HJURP: variants seen among roughly 807,000 people sequenced by gnomAD.
HJURP encodes 14-3-3-associated AKT substrate.
HJURP carries 49 observed loss-of-function variants against 72.0 expected under a neutral mutation model. The observed-to-expected ratio is 0.68, with a 90% CI of 0.54 to 0.86. HJURP has a LOEUF of 0.86. Among genes scored for constraint, HJURP ranks in the 40% least tolerant of loss-of-function variants. HJURP has a pLI of 0.00. For missense variants in HJURP, 908 were observed against 936.3 expected, an observed-to-expected ratio of 0.97 and a Z score of 0.39; for synonymous variants, 357 against 347.1, an observed-to-expected ratio of 1.03 and a Z score of -0.32.
chr2:233,840,929 T>A lies in HJURP; in HGVS notation c.1851A>T (p.Arg617=), dbSNP rs776864122. 1.2e-6 allele frequency: 2 copies of A among 1,614,144 alleles called. No individual in the cohort carries two copies. Among genetic ancestry groups the A allele is most frequent in the South Asian group, 2.2e-5 (2 of 91,084 alleles). ...TTCCTAAGAAGCCTTCTGTTTGATA[T>A]CGAACTTCCATACTTGCTTTATCTG... ...VSTDKASMEV[R]YQTEGFLGKL... is the part of the protein sequence containing the mutation. The change falls in exon 8 of 9, where the codon CGA becomes CGT. Residue 617 remains arginine (R), a synonymous_variant. Coordinates refer to ENST00000411486, the MANE Select transcript of HJURP (RefSeq NM_018410.5).
rs199693549 is a variant in HJURP at position 233,841,597 on chromosome 2, T to A, written c.1183A>T (p.Thr395Ser). The A allele has an allele frequency of 6.2e-7, 1 of 1,614,234 alleles. No homozygotes were observed. Among genetic ancestry groups the A allele is most frequent in the Non-Finnish European group, 8.5e-7 (1 of 1,180,024 alleles). ...SSLIYFDSSA[T>S]YNLDEENRFR... The stretch of plus-strand genomic sequence containing the variant: ...CTATTTTCCTCATCAAGATTATATG[T>A]TGCACTGGAGTCGAAGTAAATCAAG... Residue 395 changes from threonine (T) to serine (S), a missense_variant, in exon 8 of 9, where the codon ACA becomes TCA. Physicochemically the swap from Thr to Ser is moderately conservative, Grantham distance 58. This residue lies in a region of HJURP where 598 missense variants were observed against 619.5 expected (regional missense o/e 0.97). Transcript: ENST00000411486.
chr2:233,849,580 C>T (rs1705450069), intron 4 of HJURP, among the ~76,000 whole-genome samples, 183 bp downstream of exon 4: 1 of 152,194 alleles, frequency 6.6e-6, no homozygotes, highest in South Asian at 2.1e-4. Flanking sequence ...CCGGATGTAA[C>T]TGTGGGCAAG....
chr2:233,845,826 C>CA lies in HJURP; in HGVS notation c.403-7dup, dbSNP rs1346204108. The CA allele has an allele frequency of 6.3e-7, 1 of 1,599,566 alleles. No individual in the cohort carries two copies. Among genetic ancestry groups the CA allele is most frequent in the Admixed American group, 1.7e-5 (1 of 57,786 alleles). ...GGGCTTTGAGGCACTGCAGGCTGAT[C>CA]AAAAAAGAGAAGTCAGAATTTTTAA... On this transcript the variant is annotated splice_polypyrimidine_tract_variant and splice_region_variant and intron_variant, in intron 5 of 8. Coordinates refer to ENST00000411486, the MANE Select transcript of HJURP (RefSeq NM_018410.5).
chr2:233,840,000 C>A (rs535181756), intron 8 of HJURP, among the ~76,000 whole-genome samples: 6 of 152,292 alleles, frequency 3.9e-5, no homozygotes, highest in Admixed American at 2.0e-4. Flanking sequence ...CTGACCCACC[C>A]CACCCCACTG....
chr2:233,851,687 T>C (rs1452315026), intron 3 of HJURP, among the ~76,000 whole-genome samples: 1 of 152,200 alleles, frequency 6.6e-6, no homozygotes, highest in Non-Finnish European at 1.5e-5. Flanking sequence ...TAAAGATATG[T>C]ATTATAGGGA....
chr2:233,841,280 A>T lies in HJURP; in HGVS notation c.1500T>A (p.Ala500=). Residue 500 remains alanine (A), a synonymous_variant, in exon 8 of 9, where the codon GCT becomes GCA. Coordinates refer to ENST00000411486, the MANE Select transcript of HJURP (RefSeq NM_018410.5). ...SKAKAKSLSE[A]FENLGKRSLE... is the part of the protein sequence containing the mutation. ...GAGATCTTTTGCCTAGGTTTTCAAA[A>T]GCCTCACTTAAACTTTTTGCTTTTG... 3 of 1,614,082 alleles carry T rather than the reference A, an allele frequency of 1.9e-6. No homozygotes were observed. Among genetic ancestry groups the T allele is most frequent in the Non-Finnish European group, 2.5e-6 (3 of 1,179,938 alleles).
chr2:233,844,290 T>A lies in HJURP; in HGVS notation c.496-7A>T. 1 of 1,613,596 alleles carries A rather than the reference T, an allele frequency of 6.2e-7. No homozygotes were observed. The highest frequency in any genetic ancestry group is 8.5e-7 in the Non-Finnish European group (1 of 1,179,600). On this transcript the variant is annotated splice_polypyrimidine_tract_variant and splice_region_variant and intron_variant, in intron 6 of 8. Transcript: ENST00000411486. ...CAGCTCTGTTACCTGCACACTGAAA[T>A]CAGAGCCAGTGGTTACAAGAAAAAA...
chr2:233,846,579 G>A lies in HJURP; in HGVS notation c.403-759C>T, dbSNP rs571985668. ...CTCTGCTGAGTGGGGCTGGCACTTT[G>A]GTTCTTGACTCTTGGTACCACCCAC... is the stretch of plus-strand genomic sequence containing the variant. On this transcript the variant is annotated intron_variant, in intron 5 of 8. Coordinates refer to ENST00000411486, the MANE Select transcript of HJURP (RefSeq NM_018410.5). This position sits in a 1 kb window ranked among gnomAD's most constrained non-coding sequence, Gnocchi z 4.3. Among the ~76,000 whole-genome samples the A allele has an allele frequency of 6.6e-6, 1 of 152,132 alleles. No individual in the cohort carries two copies. Among genetic ancestry groups the A allele is most frequent in the Non-Finnish European group, 1.5e-5 (1 of 68,020 alleles).
At chr2:233,845,139 G>A (rs546102490) in intron 6 of HJURP, among the ~76,000 whole-genome samples, 5 of 151,776 alleles carry the variant, frequency 3.3e-5, no homozygotes, top group African/African-American at 7.3e-5. Context: ...TAAGAGTCCC[G>A]TGTGTGGCCC....
Position 233,840,914 on chromosome 2 carries a change from G to A in HJURP, c.1866C>T (p.Gly622=), listed in dbSNP as rs1705209128. The change falls in exon 8 of 9, where the codon GGC becomes GGT. Residue 622 remains glycine (G), a synonymous_variant. Transcript: ENST00000411486. ...ASMEVRYQTE[G]FLGKLNPDPH... The stretch of plus-strand genomic sequence containing the variant: ...GGTCTGGATTTAATTTTCCTAAGAA[G>A]CCTTCTGTTTGATATCGAACTTCCA... 6.2e-7 allele frequency: 1 copy of A among 1,614,124 alleles called. No homozygotes were observed. Among genetic ancestry groups the A allele is most frequent in the Non-Finnish European group, 8.5e-7 (1 of 1,180,042 alleles).
At position 233,841,554 on chromosome 2, in the gene HJURP, C is replaced by T. The variant is rs924332286; in HGVS notation, c.1226G>A (p.Trp409Ter). 1 of 1,614,030 alleles carries T rather than the reference C, an allele frequency of 6.2e-7. No homozygotes were observed. Residue 409 changes from tryptophan to a stop codon, truncating the protein, a stop_gained, in exon 8 of 9, where the codon TGG becomes TAG. Coordinates refer to ENST00000411486, the MANE Select transcript of HJURP (RefSeq NM_018410.5). LOFTEE classifies it high-confidence loss of function. The part of the protein sequence containing the change: ...DEENRFRTLK[W>*]LISPVKIVSR... ...AACTATTTTTACAGGAGAAATTAACCATTTTAATGTCCTAAATCTATTTTC... is the reference window on the plus strand; with the variant it reads ...AACTATTTTTACAGGAGAAATTAACTATTTTAATGTCCTAAATCTATTTTC...
At position 233,837,543 on chromosome 2, in the gene HJURP, G is replaced by C. The variant is rs1393905572; in HGVS notation, c.*34C>G. On this transcript the variant is annotated 3_prime_UTR_variant, in exon 9 of 9. Coordinates refer to ENST00000411486, the MANE Select transcript of HJURP (RefSeq NM_018410.5). ...AAACAAAAATACAAACAGAGAGCAA[G>C]TGGGAAGATAAATAACACTCCGAAA... 7.1e-7 allele frequency: 1 copy of C among 1,402,126 alleles called. No individual in the cohort carries two copies. Among genetic ancestry groups the C allele is most frequent in the Non-Finnish European group, 1.0e-6 (1 of 991,564 alleles). 86.9% of individuals were successfully genotyped at this position (1,402,126 alleles called of 1,614,324 possible). A position where few individuals can be genotyped will look rare whatever the true frequency, so the allele number is the denominator to read the frequency against.
At chr2:233,850,084 C>T (rs1705464362) in intron 3 of HJURP, among the ~76,000 whole-genome samples, 1 of 152,190 alleles carries the variant, frequency 6.6e-6, no homozygotes, top group Admixed American at 6.5e-5. Flanking sequence ...CTTAAAAAGC[C>T]ACTTGGAAGG....
Position 233,837,533 on chromosome 2 carries a change from CAG to C in HJURP, c.*42_*43del. 1 of 1,328,742 alleles carries C rather than the reference CAG, an allele frequency of 7.5e-7. No homozygotes were observed. The highest frequency in any genetic ancestry group is 1.1e-6 in the Non-Finnish European group (1 of 925,976). 82.3% of individuals were successfully genotyped at this position (1,328,742 alleles called of 1,614,324 possible). A position where few individuals can be genotyped will look rare whatever the true frequency, so the allele number is the denominator to read the frequency against. ...ATCAAAAACAAAACAAAAATACAAA[CAG>C]AGAGCAAGTGGGAAGATAAATAACA... On this transcript the variant is annotated 3_prime_UTR_variant, in exon 9 of 9. Coordinates refer to ENST00000411486, the MANE Select transcript of HJURP (RefSeq NM_018410.5).
At chr2:233,851,800 TAATC>T (rs1472531118) in intron 3 of HJURP, among the ~76,000 whole-genome samples, 2 of 152,202 alleles carry the variant, frequency 1.3e-5, no homozygotes, top group East Asian at 1.9e-4. Flanking sequence ...CTAGAATAAT[TAATC>T]AAGAAGATTT....
Position 233,841,091 on chromosome 2 carries a change from TGAAA to T in HJURP, c.1685_1688del (p.Leu562GlnfsTer37). 1 of 1,614,226 alleles carries T rather than the reference TGAAA, an allele frequency of 6.2e-7. No individual in the cohort carries two copies. The highest frequency in any genetic ancestry group is 8.5e-7 in the Non-Finnish European group (1 of 1,180,036). ...GGCCTGGCACTTCTTTATCTGGGAC[TGAAA>T]GAGTTTTGCTGGGTGACACTGACTT... On this transcript the variant is annotated frameshift_variant, in exon 8 of 9. Transcript: ENST00000411486. LOFTEE classifies it high-confidence loss of function.
chr2:233,847,434 G>A lies in HJURP; in HGVS notation c.365C>T (p.Thr122Met), dbSNP rs762331627. The change falls in exon 5 of 9, where the codon ACG becomes ATG. Residue 122 changes from threonine to methionine, a missense_variant. By Grantham distance (81) the Thr-to-Met change is moderately conservative. This residue lies in a region of HJURP where 299 missense variants were observed against 286.7 expected (regional missense o/e 1.04). Transcript: ENST00000411486. ...ADSKSGEVDATSDQEESVAWA... is the reference protein window; with the variant it reads ...ADSKSGEVDAMSDQEESVAWA... ...AGCAACTGACTCTTCCTGGTCTGAC[G>A]TGGCATCGACCTCACCGCTTTTTGA... 37 of 1,613,958 alleles carry A rather than the reference G, an allele frequency of 2.3e-5. No homozygotes were observed. Among genetic ancestry groups the A allele is most frequent in the East Asian group, 2.2e-5 (1 of 44,904 alleles).
At position 233,847,474 on chromosome 2, in the gene HJURP, CAAGT is replaced by C; in HGVS notation, c.338-17_338-14del. The C allele has an allele frequency of 6.2e-7, 1 of 1,611,570 alleles. No individual in the cohort carries two copies. Among genetic ancestry groups the C allele is most frequent in the Middle Eastern group, 1.6e-4 (1 of 6,062 alleles). On this transcript the variant is annotated splice_polypyrimidine_tract_variant and intron_variant, in intron 4 of 8. Transcript: ENST00000411486. ...CCGCTTTTTGAATCTAAAAGTCAAA[CAAGT>C]AAATCTCAATCAGGATTTTCAGGAA... is the stretch of plus-strand genomic sequence containing the variant.
Position 233,847,451 on chromosome 2 carries a change from G to A in HJURP, c.348C>T (p.Ser116=), listed in dbSNP as rs1559498415. The change falls in exon 5 of 9, where the codon AGC becomes AGT. Residue 116 remains serine, a synonymous_variant. Coordinates refer to ENST00000411486, the MANE Select transcript of HJURP (RefSeq NM_018410.5). The part of the protein sequence containing the change: ...HRTVLGADSK[S]GEVDATSDQE... ...GGTCTGACGTGGCATCGACCTCACC[G>A]CTTTTTGAATCTAAAAGTCAAACAA... 4.3e-6 allele frequency: 7 copies of A among 1,613,662 alleles called. No homozygotes were observed. The highest frequency in any genetic ancestry group is 2.7e-5 in the African/African-American group (2 of 74,904).
Sources: allele counts gnomAD v4.1 joint callset (sites outside exome capture counted in the v4.1 genomes callset), GRCh38; gene constraint gnomAD v4.1.1; regional missense constraint gnomAD v4.1.1; non-coding constraint Gnocchi (gnomAD v3.1); transcripts MANE v1.5; gene names NCBI Gene and HGNC (gene_info 2026-07-23, HGNC 2026-07-21).